Variants in DNAH3 observed in about 807,000 individuals in gnomAD.
The protein encoded by DNAH3 is axonemal beta dynein heavy chain 3.
Under a neutral mutation model 432.5 loss-of-function variants are expected in DNAH3, and 332 were observed. The observed-to-expected ratio is 0.77, with a 90% CI of 0.70 to 0.84. The LOEUF is 0.84. Among genes scored for constraint, DNAH3 ranks in the 40% least tolerant of loss-of-function variants. The pLI is 0.00. For missense variants in DNAH3, 4,861 were observed against 5,114.0 expected (o/e 0.95, Z 1.51); for synonymous variants, 1,956 against 1,900.2 (o/e 1.03, Z -0.76).
chr16:21,145,080 C>T (rs2092765762), intron 3 of DNAH3, 101 bp downstream of exon 4: 3 of 1,078,432 alleles, frequency 2.8e-6, no homozygotes, highest in Non-Finnish European at 4.0e-6. Flanking sequence ...CCATGGCACT[C>T]CAGCCTGGGC....
intron 44 of DNAH3, among the ~76,000 whole-genome samples, chr16:20,996,329 G>C (rs1451435939): frequency 6.6e-6 from 1 of 152,078 alleles, no homozygotes; most frequent in Non-Finnish European, 1.5e-5. Flanking sequence ...TGTTGATCTG[G>C]AACTATTGGT....
chr16:20,995,265 A>C (rs977435888), intron 44 of DNAH3, among the ~76,000 whole-genome samples: 10 of 151,918 alleles, frequency 6.6e-5, no homozygotes, highest in African/African-American at 2.4e-4. Context: ...TTTTTGAGAC[A>C]GAGTCTCACG....
exon 25 of DNAH3, chr16:21,062,592 C>T (rs750004110): frequency 6.2e-7 from 1 of 1,614,040 alleles, no homozygotes; most frequent in Non-Finnish European, 8.5e-7. Flanking sequence ...GCAATTCCTT[C>T]AAAGCACTTC....
At chr16:20,948,367 A>G (rs1009901304) in intron 57 of DNAH3, 116 bp downstream of exon 57, 37 of 1,089,116 alleles carry the variant, frequency 3.4e-5, no homozygotes, top group Non-Finnish European at 4.6e-5. Flanking sequence ...TATGGATTCA[A>G]TTCAGGAAGC....
chr16:20,935,453 AAAT>A (rs756804004), exon 61 of DNAH3: 9 of 1,611,818 alleles, frequency 5.6e-6, no homozygotes, highest in Non-Finnish European at 6.8e-6. Context: ...CAGAGATCCA[AAAT>A]ACCACAGGGG....
rs1216015673 is a variant in DNAH3 at position 21,031,303 on chromosome 16, A to G, written c.5198-17T>C. On this transcript the variant is annotated splice_polypyrimidine_tract_variant and intron_variant, in intron 36 of 61. Transcript: ENST00000261383. ...TCTGATTGGCTGGGCAAGAAGGTTC[A>G]ACACCAGTTATAAAGGCTCTGGTGA... 6.2e-7 allele frequency: 1 copy of G among 1,614,006 alleles called. No individual in the cohort carries two copies. The highest frequency in any genetic ancestry group is 8.5e-7 in the Non-Finnish European group (1 of 1,179,888).
intron 41 of DNAH3, among the ~76,000 whole-genome samples, chr16:21,004,381 T>A (rs561615022): frequency 2.9e-4 from 44 of 152,124 alleles, no homozygotes; most frequent in Non-Finnish European, 5.9e-4. Context: ...TTTTTTCTTT[T>A]TTTTAGAGAT....
intron 1 of DNAH3, chr16:21,158,680 TTCC>T (rs1216793495): frequency 2.6e-5 from 4 of 152,844 alleles, no homozygotes; most frequent in African/African-American, 9.7e-5. Context: ...CTTCCTCTTG[TTCC>T]TCCTCCTGCC....
chr16:21,065,956 A>C lies in DNAH3; in HGVS notation c.3518+1327T>G, dbSNP rs562496775. On this transcript the variant is annotated intron_variant, in intron 24 of 61. Coordinates refer to ENST00000261383, the Ensembl canonical transcript of DNAH3. ...ATTCTCCTGCCTTAGCCTCCCAAGT[A>C]GCTGGGATTACAGGTGCCCCCCACC... is the stretch of plus-strand genomic sequence containing the variant. Among the ~76,000 whole-genome samples, 367 of 152,026 alleles carry C rather than the reference A, an allele frequency of 2.4e-3. 3 individuals are homozygous for C. Among genetic ancestry groups the C allele is most frequent in the Non-Finnish European group, 7.1e-4 (48 of 67,966 alleles).
intron 19 of DNAH3, among the ~76,000 whole-genome samples, chr16:21,084,326 A>T (rs1441688880): frequency 6.6e-6 from 1 of 151,840 alleles, no homozygotes; most frequent in African/African-American, 2.4e-5. Context: ...TTATTTATTT[A>T]TTTATTTATT....
At chr16:21,125,201 G>A (rs2092422367) in exon 9 of DNAH3, 7 of 1,608,520 alleles carry the variant, frequency 4.4e-6, no homozygotes, top group Non-Finnish European at 4.2e-6. Context: ...AGGGAAACGA[G>A]GTCCTCAAGT....
intron 7 of DNAH3, 124 bp from the exon 9 acceptor site, chr16:21,127,936 C>A: frequency 8.4e-7 from 1 of 1,195,960 alleles, no homozygotes; most frequent in South Asian, 1.4e-5. Context: ...AAATGAATTA[C>A]AGGATATGGG....
chr16:21,056,428 C>CCCTCCCTCCCTG (rs1216116330), intron 27 of DNAH3, among the ~76,000 whole-genome samples: 12 of 136,756 alleles, frequency 8.8e-5, no homozygotes, highest in Admixed American at 2.9e-4. Context: ...TTTAAACCCT[C>CCCTCCCTCCCTG]CCTCCCTCCC....
chr16:20,988,215 G>A (rs2086307793), intron 44 of DNAH3, 150 bp from the exon 45 acceptor site: 2 of 828,384 alleles, frequency 2.4e-6, no homozygotes, highest in Non-Finnish European at 3.7e-6. Context: ...GCCACCTGCA[G>A]CAAATTTAAA....
chr16:21,106,300 C>CT (rs2091944858), intron 15 of DNAH3, among the ~76,000 whole-genome samples, 190 bp downstream of exon 15: 1 of 151,820 alleles, frequency 6.6e-6, no homozygotes, highest in African/African-American at 2.4e-5. Flanking sequence ...ATTCGTGCCT[C>CT]TAACATATGG....
chr16:21,157,125 G>A (rs1233175477), intron 1 of DNAH3, among the ~76,000 whole-genome samples: 2 of 152,024 alleles, frequency 1.3e-5, no homozygotes, highest in Non-Finnish European at 2.9e-5. Flanking sequence ...ATTCTTGTCT[G>A]TCCTATCCCC....
intron 41 of DNAH3, among the ~76,000 whole-genome samples, chr16:21,010,338 C>T (rs372384248): frequency 6.6e-6 from 1 of 152,132 alleles, no homozygotes; most frequent in Non-Finnish European, 1.5e-5. Context: ...CCCTACCCCC[C>T]CTACCCCAGC....
chr16:21,058,240 G>T, intron 26 of DNAH3, 44 bp from the exon 27 acceptor site: 1 of 1,232,438 alleles, frequency 8.1e-7, no homozygotes, highest in Non-Finnish European at 1.2e-6. Context: ...GTTCACGTGT[G>T]GTTTAAACTG....
At chr16:20,941,678 G>A (rs534157643) in intron 58 of DNAH3, 135 bp from the exon 59 acceptor site, 3 of 1,082,696 alleles carry the variant, frequency 2.8e-6, no homozygotes, top group South Asian at 3.1e-5. Context: ...TCCAACAGAA[G>A]CCATTTCTGC....
Sources: gnomAD v4.1 joint callset for allele counts (sites outside exome capture counted in the v4.1 genomes callset) on GRCh38, gnomAD v4.1.1 for gene constraint, MANE v1.5 for transcripts, NCBI Gene and HGNC (gene_info 2026-07-23, HGNC 2026-07-21) for gene names.